The following GPD1 variants were observed in gnomAD, a reference collection of about 807,000 sequenced individuals.
The protein encoded by GPD1 is glycerol-3-phosphate dehydrogenase 1.
In GPD1, 19 loss-of-function variants were observed where a neutral mutation model predicts 34.4. The ratio of observed to expected loss-of-function variants is 0.55; its 90% CI spans 0.39 to 0.81. GPD1 has a LOEUF of 0.81. GPD1 is among the 30% of genes least tolerant of loss of function. The pLI, the probability that GPD1 is intolerant of heterozygous loss-of-function variation, is 0.00. For synonymous variants in GPD1, 172 were observed against 174.1 expected, an observed-to-expected ratio of 0.99 and a Z score of 0.09; for missense variants, 429 against 447.0, an observed-to-expected ratio of 0.96 and a Z score of 0.36.
chr12:50,107,938 CA>C, intron 6 of GPD1, 85 bp from the exon 7 acceptor site: 2 of 1,025,788 alleles, frequency 1.9e-6, no homozygotes, highest in Non-Finnish European at 3.0e-6. Context: ...CCCAAGACCC[CA>C]CTCCCATCTG....
intron 1 of GPD1, 199 bp from the exon 2 acceptor site, chr12:50,104,375 A>G: frequency 1.4e-6 from 1 of 709,524 alleles, no homozygotes; most frequent in South Asian, 1.5e-5. Context: ...CTTCTCTAGT[A>G]GCAAAGGGTG....
rs60633091 is a variant in GPD1, at chr12:50,109,103, C to G, written c.954-320C>G. ...TGAGCCAAGATTGCACCACTGCGCT[C>G]CAGCCTAGGCGACAGAGCGAGAGTC... On this transcript the variant is annotated intron_variant, in intron 7 of 7. Transcript: ENST00000301149. Among the ~76,000 whole-genome samples the G allele has an allele frequency of 0.015, 2,195 of 147,870 alleles. 174 individuals carry two copies. In the East Asian group the frequency reaches 0.24, roughly 16 times the overall value.
At chr12:50,109,206 G>C (rs1426831160) in intron 7 of GPD1, among the ~76,000 whole-genome samples, 1 of 151,362 alleles carries the variant, frequency 6.6e-6, no homozygotes, top group Non-Finnish European at 1.5e-5. Context: ...GAATCATGCA[G>C]GCCAGTTCAA....
chr12:50,105,395 T>C, intron 2 of GPD1, 153 bp from the exon 3 acceptor site: 1 of 689,590 alleles, frequency 1.5e-6, no homozygotes, highest in Non-Finnish European at 2.4e-6. Context: ...GAGTGTCTTA[T>C]TCCTCCAAGT....
chr12:50,106,927 G>A lies in GPD1; in HGVS notation c.612+10G>A. ...CTGTGGAGCCTTAAAGGTGAGAGGG[G>A]CACAGAGGCAGCTATGGGGTGAGGA... On this transcript the variant is annotated intron_variant, in intron 5 of 7. Coordinates refer to ENST00000301149, the MANE Select transcript of GPD1 (RefSeq NM_005276.4). 1 of 1,515,846 alleles carries A rather than the reference G, an allele frequency of 6.6e-7. No homozygotes were observed. The highest frequency in any genetic ancestry group is 1.7e-4 in the Middle Eastern group (1 of 5,886). The allele number at this position is 1,515,846 out of a possible 1,614,324, so 93.9% of individuals were successfully genotyped here.
rs763882600 is a variant in GPD1 at position 50,107,519 on chromosome 12, G to A, written c.613-48G>A. ...TGAGTATGAGGGGGCTCCACATGGG[G>A]CCTATAGGAGGGGGTCTTTTCTCAC... On this transcript the variant is annotated intron_variant, in intron 5 of 7. Transcript: ENST00000301149. 2.9e-6 allele frequency: 4 copies of A among 1,356,058 alleles called. No individual in the cohort carries two copies. In the South Asian group the frequency reaches 4.6e-5, roughly 16 times the overall value. 84.0% of individuals were successfully genotyped at this position (1,356,058 alleles called of 1,614,324 possible). A position where few individuals can be genotyped will look rare whatever the true frequency, so the allele number is the denominator to read the frequency against.
chr12:50,109,328 G>A (rs1197354805), intron 7 of GPD1, 95 bp from the exon 8 acceptor site: 18 of 722,312 alleles, frequency 2.5e-5, no homozygotes, highest in East Asian at 5.0e-5. Context: ...CAAGGTGGGA[G>A]GGCAAGGGAC....
In GPD1 at chr12:50,104,044, C is replaced by T. The variant is rs1001479399; in HGVS notation, c.-7C>T. On this transcript the variant is annotated 5_prime_UTR_variant, in exon 1 of 8. Coordinates refer to ENST00000301149, the MANE Select transcript of GPD1 (RefSeq NM_005276.4). ...CACTGAGCCGGCTCAGGCAGAGACG[C>T]GGCACCATGGCTAGCAAGAAAGTCT... 47 of 1,613,902 alleles carry T rather than the reference C, an allele frequency of 2.9e-5. No individual in the cohort carries two copies. The highest frequency in any genetic ancestry group is 3.9e-5 in the Non-Finnish European group (46 of 1,179,974).
At chr12:50,104,481 G>C in intron 1 of GPD1, 93 bp from the exon 2 acceptor site, 1 of 954,934 alleles carries the variant, frequency 1.0e-6, no homozygotes, top group South Asian at 1.3e-5. Flanking sequence ...GAACAGCCTG[G>C]GGGGCTGCTG....
In GPD1 at chr12:50,104,650, G is replaced by A. The variant is rs1950965525; in HGVS notation, c.118G>A (p.Val40Ile). The change falls in exon 2 of 8, where the codon GTA becomes ATA. Residue 40 changes from valine to isoleucine, a missense_variant. Coordinates refer to ENST00000301149, the MANE Select transcript of GPD1 (RefSeq NM_005276.4). ...AQFDPRVTMW[V>I]FEEDIGGKKL... The stretch of plus-strand genomic sequence containing the variant: ...GTTTGACCCACGGGTGACCATGTGG[G>A]TATTTGAGGAAGACATTGGAGGCAA... 1 of 1,613,682 alleles carries A rather than the reference G, an allele frequency of 6.2e-7. No homozygotes were observed. Among genetic ancestry groups the A allele is most frequent in the Non-Finnish European group, 8.5e-7 (1 of 1,179,572 alleles).
chr12:50,105,044 C>T, intron 2 of GPD1: 1 of 431,626 alleles, frequency 2.3e-6, no homozygotes, highest in Admixed American at 4.1e-5. Context: ...CTGCCTCCGG[C>T]ACTAATCCTG....
At position 50,107,629 on chromosome 12, in the gene GPD1, G is replaced by A. The variant is rs201027631; in HGVS notation, c.675G>A (p.Ala225=). 1.9e-4 allele frequency: 310 copies of A among 1,614,130 alleles called. 1 individual carries two copies. The highest frequency in any genetic ancestry group is 1.1e-3 in the Admixed American group (68 of 60,012). ...TGGGCTTTGGCGACAACACCAAGGC[G>A]GCAGTGATCCGGCTGGGACTCATGG... ...DGLGFGDNTK[A]AVIRLGLMEM... Residue 225 remains alanine, a synonymous_variant, in exon 6 of 8, where the codon GCG becomes GCA. Transcript: ENST00000301149.
chr12:50,108,403 G>A (rs1350172791), intron 7 of GPD1, among the ~76,000 whole-genome samples: 2 of 152,098 alleles, frequency 1.3e-5, no homozygotes, highest in African/African-American at 4.8e-5. Context: ...TCTGCTCTGG[G>A]GTTGGAGCTC....
At chr12:50,106,705 G>A in intron 4 of GPD1, 100 bp from the exon 5 acceptor site, 1 of 744,016 alleles carries the variant, frequency 1.3e-6, no homozygotes, top group Admixed American at 2.9e-5. Flanking sequence ...CCAGGAGTTT[G>A]AGTCCAGCCT....
chr12:50,107,141 A>G (rs1357817579), intron 5 of GPD1: 3 of 681,640 alleles, frequency 4.4e-6, no homozygotes, highest in African/African-American at 1.8e-5. Context: ...CTCCTGTCCC[A>G]TTTTAGCCCC....
At position 50,105,680 on chromosome 12, in the gene GPD1, C is replaced by G; in HGVS notation, c.352C>G (p.Leu118Val). The change falls in exon 3 of 8, where the codon CTT becomes GTT. Residue 118 changes from leucine (L) to valine (V), a missense_variant. Transcript: ENST00000301149. ...HLKANATGIS[L>V]IKGVDEGPNG... The stretch of plus-strand genomic sequence containing the variant: ...GAAGGCAAACGCCACTGGCATATCT[C>G]TTATTAAGGTGCCAGGGACACCTTC... The G allele has an allele frequency of 6.2e-7, 1 of 1,614,070 alleles. No individual in the cohort carries two copies. The highest frequency in any genetic ancestry group is 1.1e-5 in the South Asian group (1 of 91,084).
rs1427182289 is a variant in GPD1 at position 50,111,298 on chromosome 12, G to A, written c.*1779G>A. 1 of 152,236 alleles carries A rather than the reference G, an allele frequency of 6.6e-6. No individual in the cohort carries two copies. Among genetic ancestry groups the A allele is most frequent in the Non-Finnish European group, 1.5e-5 (1 of 68,076 alleles). The allele number at this position is 152,236 out of a possible 1,614,324, so 9.4% of individuals were successfully genotyped here. On this transcript the variant is annotated 3_prime_UTR_variant, in exon 8 of 8. Coordinates refer to ENST00000301149, the MANE Select transcript of GPD1 (RefSeq NM_005276.4). This position sits in a 1 kb window ranked among gnomAD's most constrained non-coding sequence, Gnocchi z 4.1. The stretch of plus-strand genomic sequence containing the variant: ...GGCCTATTTGTCTACCCAATAAAGC[G>A]TGTTTTTTCCAGAAACAAGAAGAGT...
At chr12:50,105,740 G>A (rs1950973570) in intron 3 of GPD1, 52 bp downstream of exon 3, 1 of 1,581,614 alleles carries the variant, frequency 6.3e-7, no homozygotes, top group African/African-American at 1.3e-5. Flanking sequence ...CACTGTTGTG[G>A]GGTTCAGGGT....
chr12:50,105,592 C>G lies in GPD1; in HGVS notation c.264C>G (p.Ile88Met). 2.5e-6 allele frequency: 4 copies of G among 1,614,176 alleles called. No individual in the cohort carries two copies. The highest frequency in any genetic ancestry group is 3.4e-6 in the Non-Finnish European group (4 of 1,180,004). ...TCCAGGCTGCAGAGGATGCTGACAT[C>G]CTGATCTTTGTGGTGCCCCATCAGT... is the stretch of plus-strand genomic sequence containing the variant. ...DVVQAAEDADILIFVVPHQFI... is the reference protein window; with the variant it reads ...DVVQAAEDADMLIFVVPHQFI... Residue 88 changes from isoleucine to methionine, a missense_variant, in exon 3 of 8, where the codon ATC becomes ATG. Coordinates refer to ENST00000301149, the MANE Select transcript of GPD1 (RefSeq NM_005276.4).
Sources: allele counts gnomAD v4.1 joint callset (sites outside exome capture counted in the v4.1 genomes callset), GRCh38; gene constraint gnomAD v4.1.1; non-coding constraint Gnocchi (gnomAD v3.1); transcripts MANE v1.5; gene names NCBI Gene and HGNC (gene_info 2026-07-23, HGNC 2026-07-21).